The following BRD4 variants were observed in gnomAD, a reference collection of about 807,000 sequenced individuals.
BRD4 encodes bromodomain-containing protein 4.
Under a neutral mutation model 142.1 loss-of-function variants are expected in BRD4, and 16 were observed. That is an observed-to-expected ratio of 0.11 (90% confidence interval 0.08 to 0.17). The LOEUF (loss-of-function observed/expected upper bound fraction) is 0.17, where lower values mean the gene tolerates loss of function less well. Among genes scored for constraint, BRD4 ranks in the 10% least tolerant of loss-of-function variants. BRD4 has a pLI of 1.00. For missense variants in BRD4, 1,424 were observed against 1,810.9 expected, an observed-to-expected ratio of 0.79 and a Z score of 3.88; for synonymous variants, 833 against 707.5, an observed-to-expected ratio of 1.18 and a Z score of -2.82.
At chr19:15,248,074 A>C (rs965079327) in intron 11 of BRD4, 3 of 198,020 alleles carry the variant, frequency 1.5e-5, no homozygotes, top group African/African-American at 2.6e-5. Context: ...AAGCACCCAC[A>C]ATCTACACTT....
intron 11 of BRD4, chr19:15,247,878 C>T (rs1021364102): frequency 4.4e-6 from 1 of 229,234 alleles, no homozygotes; most frequent in African/African-American, 2.2e-5. Context: ...TGCAGGGCCC[C>T]GGGAGGCCCT....
intron 14 of BRD4, among the ~76,000 whole-genome samples, chr19:15,242,413 A>G (rs544781886): frequency 5.9e-5 from 9 of 152,190 alleles, no homozygotes; most frequent in Non-Finnish European, 1.2e-4. Context: ...GAGGCTGGTA[A>G]CAGGCGATGA....
At chr19:15,255,723 A>G in intron 9 of BRD4, 131 bp from the exon 10 acceptor site, 1 of 1,217,896 alleles carries the variant, frequency 8.2e-7, no homozygotes, top group Admixed American at 2.6e-5. Flanking sequence ...TTCACAGGAA[A>G]CGGGGCATGG....
chr19:15,285,871 C>G (rs2047736145), intron 1 of BRD4, among the ~76,000 whole-genome samples: 1 of 152,150 alleles, frequency 6.6e-6, no homozygotes, highest in African/African-American at 2.4e-5. Flanking sequence ...AGGAGAGACA[C>G]CTGGCTTAGT....
At chr19:15,265,040 T>C (rs1295138316) in intron 5 of BRD4, among the ~76,000 whole-genome samples, 2 of 152,226 alleles carry the variant, frequency 1.3e-5, no homozygotes, top group Admixed American at 1.3e-4. Flanking sequence ...GCTTAGTACC[T>C]AACACCAGGG....
chr19:15,237,189 C>T lies in BRD4; in HGVS notation c.*1188G>A, dbSNP rs1211168797. 1 of 160,554 alleles carries T rather than the reference C, an allele frequency of 6.2e-6. No individual in the cohort carries two copies. Among genetic ancestry groups the T allele is most frequent in the Non-Finnish European group, 1.1e-5 (1 of 87,118 alleles). 9.9% of individuals were successfully genotyped at this position (160,554 alleles called of 1,614,324 possible). On this transcript the variant is annotated 3_prime_UTR_variant, in exon 20 of 20. Coordinates refer to ENST00000679869, the MANE Select transcript of BRD4 (RefSeq NM_001379291.1). ...CAAAAACAAAAACAAAAACCAAAAC[C>T]AAAAAAACCAACTCAACAGATCTGA... is the stretch of plus-strand genomic sequence containing the variant.
chr19:15,263,507 A>G lies in BRD4; in HGVS notation c.1254T>C (p.Phe418=). ...EAREYRDAQE[F]GADVRLMFSN... ...AGAACATCAATCGGACGTCAGCACC[A>G]AACTCCTGAGCATCACGGTACTCAC... is the stretch of plus-strand genomic sequence containing the variant. Residue 418 remains phenylalanine, a synonymous_variant, in exon 7 of 20, where the codon TTT becomes TTC. Coordinates refer to ENST00000679869, the MANE Select transcript of BRD4 (RefSeq NM_001379291.1). The G allele has an allele frequency of 2.5e-6, 4 of 1,614,224 alleles. No homozygotes were observed. The highest frequency in any genetic ancestry group is 1.3e-5 in the African/African-American group (1 of 75,060).
chr19:15,280,123 TAA>T (rs1000956330), intron 1 of BRD4: 1 of 454,812 alleles, frequency 2.2e-6, no homozygotes. Context: ...ACAACAACCC[TAA>T]AAAGCAGGCT....
chr19:15,269,121 G>C (rs1338759948), intron 2 of BRD4, 79 bp from the exon 3 acceptor site: 11 of 1,545,304 alleles, frequency 7.1e-6, no homozygotes, highest in Non-Finnish European at 9.7e-6. Context: ...GGCTGGCCTG[G>C]GGACCTCACC....
chr19:15,274,504 A>G (rs1875375565), intron 1 of BRD4, among the ~76,000 whole-genome samples: 2 of 152,204 alleles, frequency 1.3e-5, no homozygotes, highest in South Asian at 2.1e-4. Flanking sequence ...CAGCTCCAGA[A>G]ACATATAGCT....
intron 1 of BRD4, among the ~76,000 whole-genome samples, chr19:15,319,874 TAC>T (rs1270200202): frequency 1.3e-5 from 2 of 152,078 alleles, no homozygotes; most frequent in Non-Finnish European, 2.9e-5. Context: ...AGGCTGAGAC[TAC>T]AGTTAGCTGT....
chr19:15,262,263 C>A (rs1198471508), intron 7 of BRD4, among the ~76,000 whole-genome samples: 1 of 152,194 alleles, frequency 6.6e-6, no homozygotes, highest in Non-Finnish European at 1.5e-5. Flanking sequence ...ATGGCTGCGA[C>A]AGCCAGGTGT....
At chr19:15,248,025 T>G (rs563055203) in intron 11 of BRD4, 1 of 217,028 alleles carries the variant, frequency 4.6e-6, no homozygotes, top group African/African-American at 2.3e-5. Context: ...CCCATGGTGA[T>G]AGCCCACTTC....
chr19:15,264,900 C>A (rs934103927), intron 5 of BRD4, 134 bp from the exon 6 acceptor site: 15 of 1,387,724 alleles, frequency 1.1e-5, no homozygotes, highest in Non-Finnish European at 1.5e-5. Context: ...GATAATTGCA[C>A]AGGCAAAGGG....
At chr19:15,324,275 A>G (rs961019147) in intron 1 of BRD4, among the ~76,000 whole-genome samples, 1 of 152,218 alleles carries the variant, frequency 6.6e-6, no homozygotes, top group Non-Finnish European at 1.5e-5. Flanking sequence ...ACAAATGTCA[A>G]ATTTATTCAC....
Position 15,239,718 on chromosome 19 carries a change from A to G in BRD4, c.3386T>C (p.Leu1129Pro). Residue 1129 changes from leucine (L) to proline (P), a missense_variant, in exon 16 of 20, where the codon CTG becomes CCG. By Grantham distance (98) the Leu-to-Pro change is moderately conservative (BLOSUM62 -3). Coordinates refer to ENST00000679869, the MANE Select transcript of BRD4 (RefSeq NM_001379291.1). The surrounding 1 kb of genome is among the most constrained non-coding windows in gnomAD (Gnocchi z 7.4). Reference protein sequence around the residue: ...IIRSEPFSPSLRPEPPKHPES... With the variant: ...IIRSEPFSPSPRPEPPKHPES... ...CGGGTGCTTGGGGGGCTCCGGCCGC[A>G]GCGAGGGGCTGAAGGGCTCGCTGCG... The G allele has an allele frequency of 6.3e-7, 1 of 1,599,032 alleles. No homozygotes were observed.
intron 1 of BRD4, among the ~76,000 whole-genome samples, chr19:15,313,147 G>A (rs899076550): frequency 3.3e-5 from 5 of 151,812 alleles, no homozygotes; most frequent in African/African-American, 7.3e-5. Flanking sequence ...TGAGGCGGGC[G>A]GATCACGAGG....
At position 15,255,291 on chromosome 19, in the gene BRD4, G is replaced by A. The variant is rs1354824642; in HGVS notation, c.2047+6C>T. 6.2e-7 allele frequency: 1 copy of A among 1,607,312 alleles called. No homozygotes were observed. The highest frequency in any genetic ancestry group is 1.3e-5 in the African/African-American group (1 of 74,802). ...GGAACCCCATGCCCAGGGGGCCCAAGCACACCTTGAGGTTTCCTTTTCTTC... is the reference window on the plus strand; with the variant it reads ...GGAACCCCATGCCCAGGGGGCCCAAACACACCTTGAGGTTTCCTTTTCTTC... On this transcript the variant is annotated splice_donor_region_variant and intron_variant, in intron 10 of 19. Coordinates refer to ENST00000679869, the MANE Select transcript of BRD4 (RefSeq NM_001379291.1).
At chr19:15,249,103 A>T in intron 11 of BRD4, 2 of 1,004,556 alleles carry the variant, frequency 2.0e-6, no homozygotes, top group Non-Finnish European at 2.9e-6. Context: ...AGGCGGGACT[A>T]GGCGTGTGCT....
Sources: allele counts gnomAD v4.1 joint callset (sites outside exome capture counted in the v4.1 genomes callset), GRCh38; gene constraint gnomAD v4.1.1; non-coding constraint Gnocchi (gnomAD v3.1); transcripts MANE v1.5; gene names NCBI Gene and HGNC (gene_info 2026-07-23, HGNC 2026-07-21).